The following FLI1 variants were observed in gnomAD, a reference collection of about 807,000 sequenced individuals.
FLI1 encodes Fli-1 proto-oncogene, ETS transcription factor.
A neutral mutation model predicts 53.1 loss-of-function variants in FLI1; 13 were observed. The observed-to-expected ratio is 0.24, with a 90% CI of 0.16 to 0.39. The LOEUF (loss-of-function observed/expected upper bound fraction) is 0.39. Among genes scored for constraint, FLI1 ranks in the 10% least tolerant of loss-of-function variants. The pLI is 1.00. For missense variants in FLI1, 424 were observed against 600.5 expected (o/e 0.71, Z 3.07); for synonymous variants, 244 against 236.7 (o/e 1.03, Z -0.28).
chr11:128,694,100 T>A lies in FLI1; in HGVS notation c.-159T>A. 1.8e-6 allele frequency: 1 copy of A among 566,570 alleles called. No individual in the cohort carries two copies. The highest frequency in any genetic ancestry group is 2.9e-6 in the Non-Finnish European group (1 of 344,474). 35.1% of individuals were successfully genotyped at this position (566,570 alleles called of 1,614,324 possible). On this transcript the variant is annotated 5_prime_UTR_variant, in exon 1 of 9. Transcript: ENST00000527786. ...TTTCGCTCCGCTACAACAACAAACG[T>A]GCACAGGGGAGTGAGGGCAGGGCGC...
At chr11:128,698,078 C>G (rs1938164129) in intron 1 of FLI1, among the ~76,000 whole-genome samples, 1 of 152,132 alleles carries the variant, frequency 6.6e-6, no homozygotes, top group South Asian at 2.1e-4. Context: ...CAACAATGGA[C>G]AAGCACAGCC....
At chr11:128,696,545 A>T (rs980431201) in intron 1 of FLI1, among the ~76,000 whole-genome samples, 1 of 152,178 alleles carries the variant, frequency 6.6e-6, no homozygotes, top group African/African-American at 2.4e-5. Flanking sequence ...AAACAGTGGA[A>T]CTAGGTTACC....
intron 8 of FLI1, 31 bp downstream of exon 8, chr11:128,809,235 TG>T (rs754297068): frequency 1.7e-5 from 28 of 1,603,398 alleles, no homozygotes; most frequent in Non-Finnish European, 2.2e-5. Context: ...AAGCCTTTTT[TG>T]CCAGAATGTT....
At chr11:128,763,887 G>T (rs537951993) in intron 2 of FLI1, among the ~76,000 whole-genome samples, 1 of 152,294 alleles carries the variant, frequency 6.6e-6, no homozygotes, top group Admixed American at 6.5e-5. Flanking sequence ...TTAAGTTATT[G>T]CATCTCCTTT....
intron 1 of FLI1, among the ~76,000 whole-genome samples, chr11:128,701,081 A>G (rs1262396698): frequency 3.3e-5 from 5 of 152,210 alleles, no homozygotes; most frequent in African/African-American, 4.8e-5. Flanking sequence ...ACAACCAGAG[A>G]TAGATTCAGG....
chr11:128,720,533 C>T (rs985373021), intron 1 of FLI1, among the ~76,000 whole-genome samples: 1 of 152,144 alleles, frequency 6.6e-6, no homozygotes, highest in Non-Finnish European at 1.5e-5. Flanking sequence ...CTTCGCTCAC[C>T]TCCTTGTGCC....
intron 2 of FLI1, among the ~76,000 whole-genome samples, chr11:128,760,937 C>G (rs911479995): frequency 5.3e-5 from 8 of 152,200 alleles, no homozygotes; most frequent in African/African-American, 1.9e-4. Flanking sequence ...CGGGGGCATC[C>G]TGCTCTCCCC....
chr11:128,686,711 G>A (rs1252273213), intron 1 of FLI1: 1 of 339,972 alleles, frequency 2.9e-6, no homozygotes, highest in African/African-American at 2.2e-5. Flanking sequence ...GGTAAGACAT[G>A]GCAGCGTCTT....
In FLI1 at chr11:128,741,266, G is replaced by A. The variant is rs574027834; in HGVS notation, c.19-16849G>A. Among the ~76,000 whole-genome samples, 704 of 152,224 alleles carry A rather than the reference G, an allele frequency of 4.6e-3. 13 individuals are homozygous for A. The highest frequency in any genetic ancestry group is 0.016 in the African/African-American group (668 of 41,518). On this transcript the variant is annotated intron_variant, in intron 1 of 8. Coordinates refer to ENST00000527786, the MANE Select transcript of FLI1 (RefSeq NM_002017.5). Reference sequence around the variant, plus strand: ...AAATTAGCCAGGTGTGGTCATGGGCGCCTGTAATCCCATCTACTCGGGAGG... The same window carrying A: ...AAATTAGCCAGGTGTGGTCATGGGCACCTGTAATCCCATCTACTCGGGAGG...
intron 1 of FLI1, among the ~76,000 whole-genome samples, chr11:128,753,312 T>G (rs2135799498): frequency 6.6e-6 from 1 of 152,346 alleles, no homozygotes; most frequent in South Asian, 2.1e-4. Context: ...TCTTTCTCAC[T>G]TGGAAGTCAA....
chr11:128,748,870 C>T (rs1489372708), intron 1 of FLI1, among the ~76,000 whole-genome samples: 2 of 152,128 alleles, frequency 1.3e-5, no homozygotes, highest in Admixed American at 1.3e-4. Flanking sequence ...AGGATCCTAA[C>T]TCATATTTTA....
chr11:128,772,120 A>G (rs373036026), intron 3 of FLI1, among the ~76,000 whole-genome samples: 8 of 151,956 alleles, frequency 5.3e-5, no homozygotes, highest in East Asian at 1.9e-4. Context: ...GTGTCCTACC[A>G]TAGAGATGGC....
chr11:128,765,958 A>G (rs544226), intron 2 of FLI1, among the ~76,000 whole-genome samples: 110,894 of 152,204 alleles, frequency 0.73, 40,519 homozygotes, highest in East Asian at 0.87. Context: ...TGTACAGTGC[A>G]TGTCTGTGCA....
At chr11:128,808,812 T>A (rs550885788) in intron 7 of FLI1, among the ~76,000 whole-genome samples, 80 of 152,364 alleles carry the variant, frequency 5.3e-4, no homozygotes, top group African/African-American at 1.9e-3. Context: ...TTTAAGCCCA[T>A]GGAGTCAGCT....
chr11:128,777,439 T>C (rs1364712559), intron 4 of FLI1, among the ~76,000 whole-genome samples: 2 of 152,264 alleles, frequency 1.3e-5, no homozygotes, highest in Non-Finnish European at 2.9e-5. Context: ...CTATCTTCAT[T>C]CCCATTTTTA....
chr11:128,771,813 T>C (rs999691556), intron 3 of FLI1, among the ~76,000 whole-genome samples: 2 of 152,180 alleles, frequency 1.3e-5, no homozygotes, highest in African/African-American at 4.8e-5. Flanking sequence ...AGTGGTGTGC[T>C]TGCCTACCTG....
intron 1 of FLI1, among the ~76,000 whole-genome samples, chr11:128,754,689 A>C (rs1940794117): frequency 6.6e-6 from 1 of 152,230 alleles, no homozygotes; most frequent in Non-Finnish European, 1.5e-5. Context: ...GCAGGATGAC[A>C]GCAGTATTCA....
intron 1 of FLI1, among the ~76,000 whole-genome samples, chr11:128,740,628 G>A (rs1940094867): frequency 6.6e-6 from 1 of 152,222 alleles, no homozygotes; most frequent in Non-Finnish European, 1.5e-5. Context: ...CTGGGAGGGA[G>A]GGAGAAGCCC....
chr11:128,759,628 G>A (rs958197212), intron 2 of FLI1, among the ~76,000 whole-genome samples: 2 of 152,202 alleles, frequency 1.3e-5, no homozygotes, highest in African/African-American at 4.8e-5. Context: ...AGAATCAAAG[G>A]CGACTAAAGC....
Sources: gnomAD v4.1 joint callset for allele counts (sites outside exome capture counted in the v4.1 genomes callset) on GRCh38, gnomAD v4.1.1 for gene constraint, MANE v1.5 for transcripts, NCBI Gene and HGNC (gene_info 2026-07-23, HGNC 2026-07-21) for gene names.